Variants in LEMD3 observed in about 807,000 individuals in gnomAD.
LEMD3 encodes LEM domain containing 3.
In LEMD3, 33 loss-of-function variants were observed where a neutral mutation model predicts 95.2. The observed-to-expected ratio is 0.35, with a 90% CI of 0.26 to 0.46. LEMD3 has a LOEUF of 0.46. LEMD3 is among the 20% of genes least tolerant of loss of function. The probability of loss-of-function intolerance (pLI) is 1.00; values close to 1 mark genes in which losing one functional copy is unlikely to be tolerated. For synonymous variants in LEMD3, 525 were observed against 474.6 expected (o/e 1.11, Z -1.38); for missense variants, 1,210 against 1,192.8 (o/e 1.01, Z -0.21).
chr12:65,205,736 C>T (rs1040868104), intron 1 of LEMD3, among the ~76,000 whole-genome samples: 3 of 151,904 alleles, frequency 2.0e-5, no homozygotes, highest in African/African-American at 7.3e-5. Flanking sequence ...GTTTGTATCT[C>T]GAAATTCAGA....
In LEMD3 at chr12:65,169,669, G is replaced by A. The variant is rs997475820; in HGVS notation, c.73G>A (p.Gly25Ser). ...GCTTTTCTCTCAGCTCCGCCGTTAC[G>A]GCCTGTCTCCCGGACCAGTGACGGA... Reference protein sequence around the residue: ...EELFSQLRRYGLSPGPVTEST... With the variant: ...EELFSQLRRYSLSPGPVTEST... Residue 25 changes from glycine (G) to serine (S), a missense_variant, in exon 1 of 13, where the codon GGC becomes AGC. Physicochemically the swap from Gly to Ser is moderately conservative, Grantham distance 56. Around this residue, in one of 2 missense-constraint regions of LEMD3, gnomAD observed 749 missense variants for 622.9 expected, o/e 1.20. Coordinates refer to ENST00000308330, the MANE Select transcript of LEMD3 (RefSeq NM_014319.5). 3.2e-6 allele frequency: 5 copies of A among 1,586,690 alleles called. No individual in the cohort carries two copies. Among genetic ancestry groups the A allele is most frequent in the Non-Finnish European group, 4.3e-6 (5 of 1,167,638 alleles).
In LEMD3 at chr12:65,215,985, A is replaced by G; in HGVS notation, c.1569A>G (p.Glu523=). The change falls in exon 3 of 13, where the codon GAA becomes GAG. Residue 523 remains glutamate (E), a synonymous_variant. Coordinates refer to ENST00000308330, the MANE Select transcript of LEMD3 (RefSeq NM_014319.5). ...ACTTCTCTTAATTTTAGGAAAGTGAAAAAACTCTTATGATGAACACATTAT... is the reference window on the plus strand; with the variant it reads ...ACTTCTCTTAATTTTAGGAAAGTGAGAAAACTCTTATGATGAACACATTAT... ...GETFGKIQES[E]KTLMMNTLYK... 2 of 1,530,334 alleles carry G rather than the reference A, an allele frequency of 1.3e-6. No homozygotes were observed. Among genetic ancestry groups the G allele is most frequent in the Admixed American group, 1.8e-5 (1 of 56,360 alleles). 94.8% of individuals were successfully genotyped at this position (1,530,334 alleles called of 1,614,324 possible).
In LEMD3 at chr12:65,171,134, T is replaced by C. The variant is rs753825412; in HGVS notation, c.1522+16T>C. 1.2e-6 allele frequency: 2 copies of C among 1,607,128 alleles called. No homozygotes were observed. The highest frequency in any genetic ancestry group is 1.7e-6 in the Non-Finnish European group (2 of 1,179,994). On this transcript the variant is annotated intron_variant, in intron 1 of 12. Transcript: ENST00000308330. ...GAACTCAGCAGTAAGTATTAAATCCTGTGGGTAAGGTAACAAAGAGAATGT... is the reference window on the plus strand; with the variant it reads ...GAACTCAGCAGTAAGTATTAAATCCCGTGGGTAAGGTAACAAAGAGAATGT...
intron 4 of LEMD3, among the ~76,000 whole-genome samples, chr12:65,227,482 A>G (rs1336073568): frequency 6.6e-6 from 1 of 152,174 alleles, no homozygotes; most frequent in African/African-American, 2.4e-5. Context: ...CGGGACCCCC[A>G]TGGACACAAA....
chr12:65,224,622 A>AT (rs1338372656), intron 4 of LEMD3, among the ~76,000 whole-genome samples: 1 of 151,588 alleles, frequency 6.6e-6, no homozygotes. Context: ...ACTCCCTTGT[A>AT]TGTGATGAGT....
Position 65,238,498 on chromosome 12 carries a change from T to A in LEMD3, c.1696-4T>A. ...TAGTTATTTTTCTCTATTTTTCTTGTTAGGATTTAGGTCCTGAATATGAAG... is the reference window on the plus strand; with the variant it reads ...TAGTTATTTTTCTCTATTTTTCTTGATAGGATTTAGGTCCTGAATATGAAG... On this transcript the variant is annotated splice_polypyrimidine_tract_variant and splice_region_variant and intron_variant, in intron 4 of 12. Coordinates refer to ENST00000308330, the MANE Select transcript of LEMD3 (RefSeq NM_014319.5). The A allele has an allele frequency of 1.3e-6, 2 of 1,570,908 alleles. No individual in the cohort carries two copies. Among genetic ancestry groups the A allele is most frequent in the Non-Finnish European group, 1.8e-6 (2 of 1,141,008 alleles).
chr12:65,232,151 G>A (rs1189116105), intron 4 of LEMD3, among the ~76,000 whole-genome samples: 1 of 152,092 alleles, frequency 6.6e-6, no homozygotes, highest in East Asian at 1.9e-4. Flanking sequence ...GACTGCTTTA[G>A]CACAATCTAG....
rs556513340 is a variant in LEMD3 at position 65,214,192 on chromosome 12, G to A, written c.1561-1785G>A. ...TGATTCTCCTGCCTCAGCCTCCCAA[G>A]TAGCTGGGACTACAGGTGCATGCCA... is the stretch of plus-strand genomic sequence containing the variant. On this transcript the variant is annotated intron_variant, in intron 2 of 12. Coordinates refer to ENST00000308330, the MANE Select transcript of LEMD3 (RefSeq NM_014319.5). 1.5e-3 allele frequency among the ~76,000 whole-genome samples: 221 copies of A among 152,118 alleles called. 1 individual carries two copies. Among genetic ancestry groups the A allele is most frequent in the Middle Eastern group, 0.01 (3 of 294 alleles).
intron 2 of LEMD3, 36 bp from the exon 3 acceptor site, chr12:65,215,941 A>G (rs376887276): frequency 2.9e-6 from 2 of 700,640 alleles, no homozygotes; most frequent in Admixed American, 2.7e-5. Flanking sequence ...TTTTTCTTGT[A>G]ATTGGGTATT....
intron 2 of LEMD3, among the ~76,000 whole-genome samples, chr12:65,213,727 G>A (rs1417260759): frequency 2.6e-5 from 4 of 152,204 alleles, no homozygotes; most frequent in Admixed American, 2.6e-4. Flanking sequence ...TTATTCGCAG[G>A]TCCCTCTTAT....
intron 2 of LEMD3, among the ~76,000 whole-genome samples, chr12:65,212,696 C>T (rs1360571401): frequency 6.6e-6 from 1 of 152,108 alleles, no homozygotes; most frequent in Non-Finnish European, 1.5e-5. Flanking sequence ...TACTAAAACA[C>T]AATTAGAAAG....
At position 65,170,565 on chromosome 12, in the gene LEMD3, G is replaced by A. The variant is rs756894525; in HGVS notation, c.969G>A (p.Ala323=). 6.2e-7 allele frequency: 1 copy of A among 1,614,014 alleles called. No homozygotes were observed. Among genetic ancestry groups the A allele is most frequent in the African/African-American group, 1.3e-5 (1 of 75,044 alleles). Residue 323 remains alanine, a synonymous_variant, in exon 1 of 13, where the codon GCG becomes GCA. Coordinates refer to ENST00000308330, the MANE Select transcript of LEMD3 (RefSeq NM_014319.5). ...GGGLAMNDRA[A]AAGSLDRSRN... ...GACTCGCGATGAATGACAGGGCGGC[G>A]GCTGCCGGGAGTCTAGACAGGAGCC...
chr12:65,216,285 A>G (rs750934659), intron 3 of LEMD3, among the ~76,000 whole-genome samples: 95 of 152,006 alleles, frequency 6.2e-4, no homozygotes, highest in Non-Finnish European at 4.7e-4. Context: ...AAAGTTGATC[A>G]AATTTCTTTA....
chr12:65,190,223 C>T (rs1011547764), intron 1 of LEMD3, among the ~76,000 whole-genome samples: 3 of 152,080 alleles, frequency 2.0e-5, no homozygotes, highest in Non-Finnish European at 4.4e-5. Context: ...AAATAAAATT[C>T]GAAGGCCCCC....
chr12:65,223,843 T>TG (rs1228454800), intron 4 of LEMD3, among the ~76,000 whole-genome samples: 2 of 151,370 alleles, frequency 1.3e-5, no homozygotes, highest in East Asian at 3.9e-4. Flanking sequence ...CTTTTTTTTT[T>TG]TTTTGTAGTG....
chr12:65,244,410 T>G (rs941284103), intron 10 of LEMD3, among the ~76,000 whole-genome samples: 5 of 152,074 alleles, frequency 3.3e-5, no homozygotes, highest in Non-Finnish European at 5.9e-5. Context: ...GTCCACTATT[T>G]TATTACCTAA....
In LEMD3 at chr12:65,240,150, C is replaced by T. The variant is rs1441979743; in HGVS notation, c.2038C>T (p.His680Tyr). The T allele has an allele frequency of 6.2e-7, 1 of 1,612,846 alleles. No individual in the cohort carries two copies. The highest frequency in any genetic ancestry group is 1.3e-5 in the African/African-American group (1 of 74,864). The change falls in exon 8 of 13, where the codon CAT becomes TAT. Residue 680 changes from histidine to tyrosine, a missense_variant. His to Tyr is a moderately conservative substitution (Grantham distance 83). Around this residue, in one of 2 missense-constraint regions of LEMD3, gnomAD observed 461 missense variants for 569.8 expected, o/e 0.81. Coordinates refer to ENST00000308330, the MANE Select transcript of LEMD3 (RefSeq NM_014319.5). The part of the protein sequence containing the change: ...VVKIIDVLRS[H>Y]NEACQENKDL... ...TTTATTTTTAGATGTTTTACGAAGTCATAATGAAGCCTGCCAGGAAAACAA... is the reference window on the plus strand; with the variant it reads ...TTTATTTTTAGATGTTTTACGAAGTTATAATGAAGCCTGCCAGGAAAACAA...
At chr12:65,174,934 G>A (rs1256077751) in intron 1 of LEMD3, among the ~76,000 whole-genome samples, 1 of 152,174 alleles carries the variant, frequency 6.6e-6, no homozygotes. Flanking sequence ...CTCTGAGGAA[G>A]GATGTTTGAA....
At position 65,216,036 on chromosome 12, in the gene LEMD3, G is replaced by A. The variant is rs769585910; in HGVS notation, c.1620G>A (p.Gln540=). 1.9e-6 allele frequency: 3 copies of A among 1,589,274 alleles called. No individual in the cohort carries two copies. In the Admixed American group the frequency reaches 5.0e-5, roughly 27 times the overall value. ...TLYKLHDRLA[Q]LAGDHECGSS... is the part of the protein sequence containing the mutation. Reference sequence around the variant, plus strand: ...ATAAGCTTCATGATCGATTGGCACAGCTTGCAGGTAATTGTTTTAACTTTT... The same window carrying A: ...ATAAGCTTCATGATCGATTGGCACAACTTGCAGGTAATTGTTTTAACTTTT... Residue 540 remains glutamine, a synonymous_variant, in exon 3 of 13, where the codon CAG becomes CAA. Coordinates refer to ENST00000308330, the MANE Select transcript of LEMD3 (RefSeq NM_014319.5).
Sources: gnomAD v4.1 joint callset for allele counts (sites outside exome capture counted in the v4.1 genomes callset) on GRCh38, gnomAD v4.1.1 for gene constraint, gnomAD v4.1.1 regional missense constraint, MANE v1.5 for transcripts, NCBI Gene and HGNC (gene_info 2026-07-23, HGNC 2026-07-21) for gene names.